The following PLEKHF1 variants were observed in gnomAD, a reference collection of about 807,000 sequenced individuals.
The protein encoded by PLEKHF1 is pleckstrin homology and FYVE domain containing 1, also known as pleckstrin homology domain-containing family F member 1.
Under a neutral mutation model 4.1 loss-of-function variants are expected in PLEKHF1, and 1 was observed. The ratio of observed to expected loss-of-function variants is 0.24; its 90% CI spans 0.09 to 1.15. The LOEUF is 1.15. Among genes scored for constraint, PLEKHF1 ranks in the 50% most tolerant of loss-of-function variants. PLEKHF1 has a pLI of 0.52. For missense variants in PLEKHF1, 429 were observed against 400.6 expected (o/e 1.07, Z -0.60); for synonymous variants, 182 against 178.5 (o/e 1.02, Z -0.16).
Position 29,674,185 on chromosome 19 carries a change from G to A in PLEKHF1, c.346G>A (p.Ala116Thr), listed in dbSNP as rs148959326. 25 of 1,613,218 alleles carry A rather than the reference G, an allele frequency of 1.5e-5. No homozygotes were observed. The African/African-American group carries it at 3.3e-4, about 21-fold the overall frequency. ...GTCCTTTGTGGTGTCGGCCGCCTCC[G>A]CTACGGAGCGCCAGGAATGGATTAG... is the stretch of plus-strand genomic sequence containing the variant. ...KKSFVVSAASATERQEWISHI... is the reference protein window; with the variant it reads ...KKSFVVSAASTTERQEWISHI... The change falls in exon 2 of 2, where the codon GCT (alanine) becomes ACT (threonine). Residue 116 changes from alanine to threonine, a missense_variant. Ala to Thr is a moderately conservative substitution (Grantham distance 58). Transcript: ENST00000436066.
At chr19:29,673,699 C>T (rs961904523) in intron 1 of PLEKHF1, 125 bp from the exon 2 acceptor site, 161 of 1,283,288 alleles carry the variant, frequency 1.3e-4, no homozygotes, top group Non-Finnish European at 1.6e-4. Context: ...GGCAGGCCTG[C>T]GGGTTACTGT....
At position 29,673,937 on chromosome 19, in the gene PLEKHF1, G is replaced by A. The variant is rs759041406; in HGVS notation, c.98G>A (p.Gly33Asp). ...TCGGGGCAGCCGCTGGCGCTGCCAG[G>A]CCGAGTGCTGCTGGGCGAGGGCGTG... ...GASGQPLALP[G>D]RVLLGEGVLT... Residue 33 changes from glycine (G) to aspartate (D), a missense_variant, in exon 2 of 2, where the codon GGC becomes GAC. Gly to Asp is a moderately conservative substitution (Grantham distance 94, BLOSUM62 -1). Transcript: ENST00000436066. 17 of 1,613,608 alleles carry A rather than the reference G, an allele frequency of 1.1e-5. No individual in the cohort carries two copies. The highest frequency in any genetic ancestry group is 1.4e-5 in the Non-Finnish European group (16 of 1,179,868).
In PLEKHF1 at chr19:29,671,985, G is replaced by T. The variant is rs1025044044; in HGVS notation, c.-16-1839G>T. On this transcript the variant is annotated intron_variant, in intron 1 of 1. Coordinates refer to ENST00000436066, the MANE Select transcript of PLEKHF1 (RefSeq NM_024310.5). The surrounding 1 kb of genome is among the most constrained non-coding windows in gnomAD (Gnocchi z 4.0). ...TGGGCCTTGGGACCTGCTTGGAACC[G>T]TGCCAAGCTACTTATGAAGCATCTA... Among the ~76,000 whole-genome samples the T allele has an allele frequency of 6.6e-6, 1 of 151,918 alleles. No homozygotes were observed. Among genetic ancestry groups the T allele is most frequent in the South Asian group, 2.1e-4 (1 of 4,822 alleles).
At chr19:29,667,576 C>G (rs528865213) in intron 1 of PLEKHF1, among the ~76,000 whole-genome samples, 1 of 152,290 alleles carries the variant, frequency 6.6e-6, no homozygotes, top group Non-Finnish European at 1.5e-5. Flanking sequence ...TGGCCCTGCA[C>G]GTCCCTGAGC....
intron 1 of PLEKHF1, among the ~76,000 whole-genome samples, chr19:29,669,993 G>A (rs531596103): frequency 1.3e-5 from 2 of 152,232 alleles, no homozygotes; most frequent in South Asian, 2.1e-4. Flanking sequence ...GTGCAGTGGT[G>A]TGATCTTGGC....
chr19:29,670,191 C>T (rs1250280084), intron 1 of PLEKHF1, among the ~76,000 whole-genome samples: 1 of 152,194 alleles, frequency 6.6e-6, no homozygotes, highest in Non-Finnish European at 1.5e-5. Context: ...CTTGGCCTCC[C>T]AAAATGCTGG....
chr19:29,666,392 G>A (rs141332441), intron 1 of PLEKHF1, among the ~76,000 whole-genome samples: 1,561 of 152,334 alleles, frequency 0.01, 26 homozygotes, highest in African/African-American at 0.036. Flanking sequence ...ATGACTCTCT[G>A]ACTTCGGCCT....
intron 1 of PLEKHF1, among the ~76,000 whole-genome samples, chr19:29,672,704 G>C (rs1971644711): frequency 6.6e-6 from 1 of 152,178 alleles, no homozygotes; most frequent in Non-Finnish European, 1.5e-5. Context: ...TGGTGTCACT[G>C]AAGGAGAGGA....
chr19:29,668,005 A>G (rs1599507664), intron 1 of PLEKHF1, among the ~76,000 whole-genome samples: 1 of 152,148 alleles, frequency 6.6e-6, no homozygotes, highest in African/African-American at 2.4e-5. Flanking sequence ...CACGTATCAC[A>G]CCTGGGCTGC....
In PLEKHF1 at chr19:29,674,262, C is replaced by T. The variant is rs1360515375; in HGVS notation, c.423C>T (p.Pro141=). ...AACTGAGGGCCACGGGCCGCCCGCC[C>T]AGCACGGAGCACGCGGCACCCTGGA... ...RRQLRATGRP[P]STEHAAPWIP... Residue 141 remains proline, a synonymous_variant, in exon 2 of 2, where the codon CCC becomes CCT. Coordinates refer to ENST00000436066, the MANE Select transcript of PLEKHF1 (RefSeq NM_024310.5). The T allele has an allele frequency of 2.5e-6, 4 of 1,605,298 alleles. No individual in the cohort carries two copies. Among genetic ancestry groups the T allele is most frequent in the South Asian group, 2.2e-5 (2 of 90,782 alleles).
chr19:29,668,146 C>G (rs1351117943), intron 1 of PLEKHF1, among the ~76,000 whole-genome samples: 1 of 152,202 alleles, frequency 6.6e-6, no homozygotes, highest in Non-Finnish European at 1.5e-5. Flanking sequence ...GCCTGAGAGC[C>G]CCCACCCCTC....
At chr19:29,669,479 G>T (rs547979655) in intron 1 of PLEKHF1, among the ~76,000 whole-genome samples, 1 of 152,116 alleles carries the variant, frequency 6.6e-6, no homozygotes, top group African/African-American at 2.4e-5. Context: ...TTGCTTCTTC[G>T]GGGCTCCTGA....
At position 29,673,826 on chromosome 19, in the gene PLEKHF1, G is replaced by A. The variant is rs73546194; in HGVS notation, c.-14G>A. ...TCCTTGTCTGTCTCCTCCTGCAGCC[G>A]CCAGCTGGAGACGATGGTGGACCAC... On this transcript the variant is annotated splice_region_variant and 5_prime_UTR_variant, in exon 2 of 2. Coordinates refer to ENST00000436066, the MANE Select transcript of PLEKHF1 (RefSeq NM_024310.5). 2.5e-3 allele frequency: 4,022 copies of A among 1,580,746 alleles called. 110 individuals carry two copies. In the African/African-American group the frequency reaches 0.048, roughly 19 times the overall value.
chr19:29,671,803 G>A lies in PLEKHF1; in HGVS notation c.-16-2021G>A, dbSNP rs1971634264. On this transcript the variant is annotated intron_variant, in intron 1 of 1. Coordinates refer to ENST00000436066, the MANE Select transcript of PLEKHF1 (RefSeq NM_024310.5). This position sits in a 1 kb window ranked among gnomAD's most constrained non-coding sequence, Gnocchi z 4.0. ...CACTCTGGCTTTCTACTGGTGGCCA[G>A]GCTCAGAACTGCAGCTCAGTGACCC... Among the ~76,000 whole-genome samples the A allele has an allele frequency of 6.6e-6, 1 of 152,100 alleles. No homozygotes were observed. Among genetic ancestry groups the A allele is most frequent in the Admixed American group, 6.6e-5 (1 of 15,264 alleles).
At position 29,673,847 on chromosome 19, in the gene PLEKHF1, A is replaced by G. The variant is rs147497059; in HGVS notation, c.8A>G (p.Asp3Gly). MV[D>G]HLANTEINSQ... Reference sequence around the variant, plus strand: ...AGCCGCCAGCTGGAGACGATGGTGGACCACTTGGCCAACACGGAGATCAAC... The same window carrying G: ...AGCCGCCAGCTGGAGACGATGGTGGGCCACTTGGCCAACACGGAGATCAAC... Residue 3 changes from aspartate (D) to glycine (G), a missense_variant, in exon 2 of 2, where the codon GAC (aspartate) becomes GGC (glycine). By Grantham distance (94) the Asp-to-Gly change is moderately conservative (BLOSUM62 -1). Transcript: ENST00000436066. 7.7e-5 allele frequency: 123 copies of G among 1,596,168 alleles called. No individual in the cohort carries two copies. In the African/African-American group the frequency reaches 1.5e-3, roughly 20 times the overall value.
At chr19:29,673,572 C>T (rs1971654865) in intron 1 of PLEKHF1, among the ~76,000 whole-genome samples, 1 of 152,172 alleles carries the variant, frequency 6.6e-6, no homozygotes, top group Admixed American at 6.5e-5. Context: ...TTATCACTGC[C>T]TTCCCATCCC....
At chr19:29,672,538 C>T (rs180929997) in intron 1 of PLEKHF1, among the ~76,000 whole-genome samples, 8 of 152,196 alleles carry the variant, frequency 5.3e-5, no homozygotes, top group Admixed American at 3.3e-4. Flanking sequence ...ACCTTGCCAC[C>T]GATATGGTGG....
chr19:29,670,980 C>T (rs1354535988), intron 1 of PLEKHF1, among the ~76,000 whole-genome samples: 2 of 152,146 alleles, frequency 1.3e-5, no homozygotes, highest in Non-Finnish European at 2.9e-5. Flanking sequence ...TTTTAAGGAA[C>T]TTCCATGCTG....
intron 1 of PLEKHF1, chr19:29,666,875 C>G (rs1971575291): frequency 6.6e-6 from 1 of 152,296 alleles, no homozygotes. Flanking sequence ...TTTTCATTAC[C>G]GGTCTCTTCC....
Sources: allele counts gnomAD v4.1 joint callset (sites outside exome capture counted in the v4.1 genomes callset), GRCh38; gene constraint gnomAD v4.1.1; non-coding constraint Gnocchi (gnomAD v3.1); transcripts MANE v1.5; gene names NCBI Gene and HGNC (gene_info 2026-07-23, HGNC 2026-07-21).